The following NPHP1 variants were observed in gnomAD, a reference collection of about 807,000 sequenced individuals.
NPHP1 encodes the protein nephrocystin 1.
NPHP1 carries 70 observed loss-of-function variants against 90.4 expected under a neutral mutation model. The ratio of observed to expected loss-of-function variants is 0.77; its 90% CI spans 0.64 to 0.95. The LOEUF is 0.95. Among genes scored for constraint, NPHP1 ranks in the 40% least tolerant of loss-of-function variants. NPHP1 has a pLI of 0.00. For missense variants in NPHP1, 764 were observed against 795.9 expected, an observed-to-expected ratio of 0.96 and a Z score of 0.48; for synonymous variants, 256 against 271.7, an observed-to-expected ratio of 0.94 and a Z score of 0.57.
At chr2:110,150,719 T>G (rs1681402063) in intron 11 of NPHP1, among the ~76,000 whole-genome samples, 1 of 151,674 alleles carries the variant, frequency 6.6e-6, no homozygotes, top group African/African-American at 2.4e-5. Context: ...CCAGCTAATT[T>G]TTGTATTTTT....
intron 2 of NPHP1, among the ~76,000 whole-genome samples, chr2:110,197,394 C>T (rs1685244997): frequency 6.6e-6 from 1 of 152,068 alleles, no homozygotes; most frequent in African/African-American, 2.4e-5. Flanking sequence ...CTGGGGCTGA[C>T]CCTACTAGCA....
chr2:110,130,942 T>G (rs1679731682), intron 17 of NPHP1, among the ~76,000 whole-genome samples: 4 of 152,174 alleles, frequency 2.6e-5, no homozygotes, highest in Admixed American at 2.6e-4. Context: ...AAATTATGTG[T>G]TTGAGGCCTG....
chr2:110,144,315 T>C (rs1680858634), intron 15 of NPHP1, 178 bp downstream of exon 15: 7 of 597,720 alleles, frequency 1.2e-5, no homozygotes, highest in Non-Finnish European at 2.1e-5. Context: ...TAGAGTCTCA[T>C]ATGTGTTACC....
At position 110,125,676 on chromosome 2, in the gene NPHP1, C is replaced by A; in HGVS notation, c.1722G>T (p.Ser574=). The A allele has an allele frequency of 6.2e-7, 1 of 1,612,988 alleles. No individual in the cohort carries two copies. The highest frequency in any genetic ancestry group is 2.2e-5 in the East Asian group (1 of 44,854). ...QPDVMDALRS[S]WAGKESTLKR... ...TTAATGTGCTTTCTTTTCCAGCCCA[C>A]GAACTCTAAAGAGCAAACAGAAATA... The change falls in exon 19 of 20, where the codon TCG becomes TCT. Residue 574 remains serine (S), a synonymous_variant. Coordinates refer to ENST00000445609, the MANE Select transcript of NPHP1 (RefSeq NM_001128178.3).
intron 14 of NPHP1, 83 bp downstream of exon 14, chr2:110,146,670 T>C (rs1049595828): frequency 2.4e-5 from 24 of 1,010,786 alleles, no homozygotes; most frequent in Non-Finnish European, 3.3e-5. Flanking sequence ...GGCATGCTCA[T>C]AGAACAAACC....
chr2:110,156,783 T>TTG (rs1178329256), intron 11 of NPHP1, among the ~76,000 whole-genome samples: 2 of 150,458 alleles, frequency 1.3e-5, no homozygotes, highest in Non-Finnish European at 1.5e-5. Flanking sequence ...GGTTTCTGTT[T>TTG]TTTTTTTTTT....
intron 19 of NPHP1, chr2:110,125,198 C>A: frequency 6.5e-7 from 1 of 1,532,224 alleles, no homozygotes; most frequent in Non-Finnish European, 8.7e-7. Context: ...CCGATTAAAG[C>A]AAGTTCGGAT....
intron 3 of NPHP1, among the ~76,000 whole-genome samples, chr2:110,179,395 G>C (rs536670045): frequency 3.3e-5 from 5 of 152,240 alleles, no homozygotes; most frequent in African/African-American, 1.2e-4. Context: ...ATCCTTAATA[G>C]CAGGTGAGTT....
chr2:110,163,431 C>A (rs544906570), intron 8 of NPHP1: 1 of 388,680 alleles, frequency 2.6e-6, no homozygotes, highest in South Asian at 2.9e-5. Context: ...CTCCACCCTG[C>A]GCTTCCATTT....
intron 11 of NPHP1, among the ~76,000 whole-genome samples, chr2:110,155,838 T>C (rs1402720619): frequency 6.6e-6 from 1 of 152,112 alleles, no homozygotes; most frequent in African/African-American, 2.4e-5. Context: ...GATGAGATGT[T>C]GGGACTGTGA....
In NPHP1 at chr2:110,180,448, C is replaced by CTTTT. The variant is rs3086121; in HGVS notation, c.144-768_144-765dup. On this transcript the variant is annotated intron_variant, in intron 2 of 19. Transcript: ENST00000445609. ...AGTCACTTTTTTATGCCGTTTGAGTCTTTTTTTTTTTTTTTTTTTTTTTGC... is the reference window on the plus strand; with the variant it reads ...AGTCACTTTTTTATGCCGTTTGAGTCTTTTTTTTTTTTTTTTTTTTTTTTTTTGC... Among the ~76,000 whole-genome samples, 92 of 80,894 alleles carry CTTTT rather than the reference C, an allele frequency of 1.1e-3. 3 individuals are homozygous for CTTTT. Among genetic ancestry groups the CTTTT allele is most frequent in the East Asian group, 0.01 (24 of 2,294 alleles). 53.1% of individuals were successfully genotyped at this position (80,894 alleles called of 152,430 possible).
rs1334513458 is a variant in NPHP1 at position 110,163,693 on chromosome 2, C to T, written c.772-558G>A. On this transcript the variant is annotated intron_variant, in intron 8 of 19. Transcript: ENST00000445609. The stretch of plus-strand genomic sequence containing the variant: ...TTTTGTTTTTTGAGACGGAGTCTCA[C>T]TCTGTCGCCCAGGCTGGAGTACAGT... 3.8e-5 allele frequency: 6 copies of T among 159,304 alleles called. No individual in the cohort carries two copies. In the East Asian group the frequency reaches 7.2e-4, roughly 19 times the overall value. The allele number at this position is 159,304 out of a possible 1,614,324, so 9.9% of individuals were successfully genotyped here.
chr2:110,133,183 C>CT (rs200127896), intron 16 of NPHP1, among the ~76,000 whole-genome samples: 1,561 of 152,060 alleles, frequency 0.01, 23 homozygotes, highest in African/African-American at 0.036. Context: ...AGACTTAGGA[C>CT]ACTCATGGGT....
chr2:110,159,102 T>C (rs1682118866), intron 11 of NPHP1, among the ~76,000 whole-genome samples: 1 of 152,078 alleles, frequency 6.6e-6, no homozygotes, highest in African/African-American at 2.4e-5. Flanking sequence ...TACCCAGGAA[T>C]GTACATTTGA....
intron 9 of NPHP1, among the ~76,000 whole-genome samples, chr2:110,162,389 C>T (rs555324078): frequency 2.0e-5 from 3 of 152,144 alleles, no homozygotes; most frequent in East Asian, 1.9e-4. Context: ...GAATTTACCG[C>T]GAGACCTGAA....
intron 9 of NPHP1, 93 bp downstream of exon 9, chr2:110,162,955 C>T (rs1682452215): frequency 7.4e-6 from 6 of 813,444 alleles, no homozygotes; most frequent in Non-Finnish European, 1.3e-5. Flanking sequence ...TCAACATCTT[C>T]TTCAACAATG....
intron 2 of NPHP1, among the ~76,000 whole-genome samples, chr2:110,190,111 T>G (rs1290732071): frequency 6.6e-6 from 1 of 152,162 alleles, no homozygotes; most frequent in Admixed American, 6.5e-5. Flanking sequence ...TTACAATCCC[T>G]TAGCTAGACA....
intron 2 of NPHP1, among the ~76,000 whole-genome samples, chr2:110,194,882 T>C (rs1468941433): frequency 6.7e-6 from 1 of 149,580 alleles, no homozygotes; most frequent in Non-Finnish European, 1.5e-5. Context: ...TAATCCAGCA[T>C]ATAAACAGAA....
At chr2:110,164,788 G>T (rs1042881839) in intron 7 of NPHP1, 58 bp from the exon 8 acceptor site, 5 of 1,400,636 alleles carry the variant, frequency 3.6e-6, no homozygotes, top group Admixed American at 3.3e-5. Context: ...CACTCAATTA[G>T]GGAACTTCTT....
Sources: allele counts gnomAD v4.1 joint callset (sites outside exome capture counted in the v4.1 genomes callset), GRCh38; gene constraint gnomAD v4.1.1; transcripts MANE v1.5; gene names NCBI Gene and HGNC (gene_info 2026-07-23, HGNC 2026-07-21).